Variants in GLDC observed in about 807,000 individuals in gnomAD.
GLDC encodes glycine dehydrogenase (decarboxylating), mitochondrial.
In GLDC, 104 loss-of-function variants were observed where a neutral mutation model predicts 121.3. The observed-to-expected ratio is 0.86, with a 90% CI of 0.73 to 1.01. The LOEUF is 1.01. GLDC is among the 50% of genes least tolerant of loss of function. The pLI, the probability that GLDC is intolerant of heterozygous loss-of-function variation, is 0.00. For synonymous variants in GLDC, 546 were observed against 480.6 expected (o/e 1.14, Z -1.78); for missense variants, 1,429 against 1,306.6 (o/e 1.09, Z -1.44).
chr9:6,576,655 T>C (rs1461258938), intron 15 of GLDC, among the ~76,000 whole-genome samples: 1 of 152,048 alleles, frequency 6.6e-6, no homozygotes, highest in Non-Finnish European at 1.5e-5. Context: ...GCAGCAGAGA[T>C]GGAGTTTCAC....
intron 23 of GLDC, 78 bp downstream of exon 23, chr9:6,535,986 G>A (rs112061833): frequency 3.4e-5 from 40 of 1,173,902 alleles, no homozygotes; most frequent in African/African-American, 1.6e-4. Flanking sequence ...TTGAGAGTTC[G>A]GGAGTTGCTG....
chr9:6,633,603 G>A (rs1819436045), intron 2 of GLDC, among the ~76,000 whole-genome samples: 2 of 151,852 alleles, frequency 1.3e-5, no homozygotes, highest in Admixed American at 6.6e-5. Flanking sequence ...CTGCCTCTCT[G>A]GATCAACCAC....
intron 7 of GLDC, 64 bp downstream of exon 7, chr9:6,604,524 G>T: frequency 1.4e-6 from 2 of 1,408,710 alleles, no homozygotes; most frequent in South Asian, 1.2e-5. Flanking sequence ...ATCAACATTT[G>T]TGATCAGAAG....
At chr9:6,546,974 A>G (rs1817406883) in intron 21 of GLDC, among the ~76,000 whole-genome samples, 1 of 151,860 alleles carries the variant, frequency 6.6e-6, no homozygotes, top group Non-Finnish European at 1.5e-5. Context: ...AAATAATAAT[A>G]ATAATAATAA....
chr9:6,571,104 A>G (rs10975650), intron 15 of GLDC, among the ~76,000 whole-genome samples: 81,709 of 151,640 alleles, frequency 0.54, 22,505 homozygotes, highest in African/African-American at 0.59. Context: ...TGATTTTCTT[A>G]TAGACACAAG....
intron 15 of GLDC, among the ~76,000 whole-genome samples, chr9:6,567,795 TTTAC>T (rs1350143549): frequency 1.3e-5 from 2 of 152,354 alleles, no homozygotes; most frequent in Admixed American, 1.3e-4. Flanking sequence ...CGATTTCACA[TTTAC>T]TTTGTATGCC....
At chr9:6,635,699 C>G (rs910797465) in intron 2 of GLDC, among the ~76,000 whole-genome samples, 1 of 151,632 alleles carries the variant, frequency 6.6e-6, no homozygotes, top group Non-Finnish European at 1.5e-5. Context: ...ATATTGAGAC[C>G]CCCATGTCTA....
At position 6,592,780 on chromosome 9, in the gene GLDC, G is replaced by C. The variant is rs1274256706; in HGVS notation, c.1401+71C>G. On this transcript the variant is annotated intron_variant, in intron 10 of 24. Coordinates refer to ENST00000321612, the MANE Select transcript of GLDC (RefSeq NM_000170.3). Reference sequence around the variant, plus strand: ...TTCCTTTTTATTTTTTAAAAACAAAGAGAAAACCTTTTAATGAGAAACAAT... The same window carrying C: ...TTCCTTTTTATTTTTTAAAAACAAACAGAAAACCTTTTAATGAGAAACAAT... 15 of 1,429,366 alleles carry C rather than the reference G, an allele frequency of 1.0e-5. No homozygotes were observed. The South Asian group carries it at 1.6e-4, about 15-fold the overall frequency. 88.5% of individuals were successfully genotyped at this position (1,429,366 alleles called of 1,614,324 possible). A position where few individuals can be genotyped will look rare whatever the true frequency, so the allele number is the denominator to read the frequency against.
intron 15 of GLDC, among the ~76,000 whole-genome samples, chr9:6,566,888 C>G (rs1817865267): frequency 6.6e-6 from 1 of 152,118 alleles, no homozygotes; most frequent in Admixed American, 6.5e-5. Flanking sequence ...GCCATCACCC[C>G]CATTTTGCAC....
chr9:6,617,118 G>A (rs1291790392), intron 3 of GLDC, among the ~76,000 whole-genome samples: 2 of 152,086 alleles, frequency 1.3e-5, no homozygotes, highest in Non-Finnish European at 2.9e-5. Context: ...GAATTTGTTG[G>A]TTCCATCTCT....
chr9:6,613,847 G>A (rs1818911905), intron 3 of GLDC, among the ~76,000 whole-genome samples: 1 of 152,044 alleles, frequency 6.6e-6, no homozygotes, highest in African/African-American at 2.4e-5. Context: ...CACGATCTCG[G>A]CCCAGTGCAA....
intron 2 of GLDC, among the ~76,000 whole-genome samples, chr9:6,638,483 G>C (rs559282116): frequency 2.0e-5 from 3 of 152,156 alleles, no homozygotes; most frequent in African/African-American, 7.2e-5. Flanking sequence ...CCAAAGTGCT[G>C]GGATTATGGG....
intron 15 of GLDC, among the ~76,000 whole-genome samples, chr9:6,572,445 G>C (rs953430402): frequency 6.6e-6 from 1 of 152,184 alleles, no homozygotes; most frequent in African/African-American, 2.4e-5. Context: ...GAGCCTTTCA[G>C]TGGCTTTATT....
intron 2 of GLDC, among the ~76,000 whole-genome samples, chr9:6,622,622 C>T (rs1819130784): frequency 6.6e-6 from 1 of 152,176 alleles, no homozygotes; most frequent in Admixed American, 6.5e-5. Flanking sequence ...CCTGCCTTGG[C>T]CTCCCAAAGT....
intron 3 of GLDC, among the ~76,000 whole-genome samples, chr9:6,616,061 G>C (rs1818962046): frequency 6.6e-6 from 1 of 152,166 alleles, no homozygotes; most frequent in Non-Finnish European, 1.5e-5. Flanking sequence ...AGCCTCCCAA[G>C]GAGCTGGGAC....
intron 3 of GLDC, among the ~76,000 whole-genome samples, chr9:6,614,985 T>C (rs796748293): frequency 6.6e-6 from 1 of 152,246 alleles, no homozygotes; most frequent in South Asian, 2.1e-4. Context: ...TACAATTTTA[T>C]GAGACCACTG....
chr9:6,565,513 G>C (rs1817838960), intron 15 of GLDC, 84 bp from the exon 16 acceptor site: 5 of 996,532 alleles, frequency 5.0e-6, no homozygotes, highest in African/African-American at 1.6e-5. Context: ...CCCTGGCCAG[G>C]GGTTCACCAG....
At chr9:6,613,568 A>G (rs963003365) in intron 3 of GLDC, among the ~76,000 whole-genome samples, 2 of 152,252 alleles carry the variant, frequency 1.3e-5, no homozygotes, top group Admixed American at 6.5e-5. Context: ...CATGATTTTA[A>G]CTGCTCTATG....
At chr9:6,616,775 A>T (rs1409365014) in intron 3 of GLDC, among the ~76,000 whole-genome samples, 1 of 152,214 alleles carries the variant, frequency 6.6e-6, no homozygotes, top group Non-Finnish European at 1.5e-5. Context: ...TGCTTGATAT[A>T]TTCAACATGG....
Sources: allele counts gnomAD v4.1 joint callset (sites outside exome capture counted in the v4.1 genomes callset), GRCh38; gene constraint gnomAD v4.1.1; transcripts MANE v1.5; gene names NCBI Gene and HGNC (gene_info 2026-07-23, HGNC 2026-07-21).